The following SMARCA2 variants were observed in gnomAD, a reference collection of about 807,000 sequenced individuals.
The protein encoded by SMARCA2 is SWI/SNF related BAF chromatin remodeling complex subunit ATPase 2.
A neutral mutation model predicts 199.8 loss-of-function variants in SMARCA2; 61 were observed. That is an observed-to-expected ratio of 0.31 (90% confidence interval 0.25 to 0.38). The LOEUF (loss-of-function observed/expected upper bound fraction) is 0.38. SMARCA2 is among the 10% of genes least tolerant of loss of function. The pLI, the probability that SMARCA2 is intolerant of heterozygous loss-of-function variation, is 1.00. For synonymous variants in SMARCA2, 935 were observed against 732.0 expected, an observed-to-expected ratio of 1.28 and a Z score of -4.48; for missense variants, 1,344 against 2,012.2, an observed-to-expected ratio of 0.67 and a Z score of 6.35.
intron 6 of SMARCA2, 43 bp downstream of exon 6, chr9:2,054,766 T>C (rs1586653682): frequency 6.2e-7 from 1 of 1,604,046 alleles, no homozygotes; most frequent in South Asian, 1.1e-5. Flanking sequence ...AGGAAATAAA[T>C]GTAATTGTTC....
intron 2 of SMARCA2, among the ~76,000 whole-genome samples, chr9:2,030,988 C>G (rs960878110): frequency 6.6e-6 from 1 of 152,106 alleles, no homozygotes; most frequent in Admixed American, 6.5e-5. Context: ...ATAATCTTAC[C>G]TTCACCCCAA....
intron 23 of SMARCA2, among the ~76,000 whole-genome samples, chr9:2,106,011 T>C (rs1024794955): frequency 1.3e-5 from 2 of 152,242 alleles, no homozygotes; most frequent in Non-Finnish European, 2.9e-5. Flanking sequence ...TTGGCTGCTG[T>C]CCTTTTGTTA....
At chr9:2,105,600 G>A (rs1013060811) in intron 23 of SMARCA2, among the ~76,000 whole-genome samples, 8 of 152,076 alleles carry the variant, frequency 5.3e-5, no homozygotes, top group African/African-American at 1.7e-4. Flanking sequence ...GAATGGTTAC[G>A]TAAATGTCAA....
chr9:2,185,926 C>G (rs992888108), intron 31 of SMARCA2, among the ~76,000 whole-genome samples, 170 bp from the exon 32 acceptor site: 6 of 152,078 alleles, frequency 3.9e-5, no homozygotes, highest in Non-Finnish European at 5.9e-5. Context: ...ATGTGTATGT[C>G]TGTATTTGGG....
intron 29 of SMARCA2, among the ~76,000 whole-genome samples, chr9:2,175,666 T>C (rs1172456525): frequency 6.6e-6 from 1 of 152,226 alleles, no homozygotes; most frequent in East Asian, 1.9e-4. Context: ...TTAAAGTGTT[T>C]GTTGGGACCT....
intron 27 of SMARCA2, chr9:2,160,401 C>T (rs933669063): frequency 1.1e-4 from 59 of 539,674 alleles, no homozygotes; most frequent in Middle Eastern, 4.9e-4. Context: ...TTGGAGGATG[C>T]GTAGAAAACA....
chr9:2,061,896 T>C (rs572733880), intron 9 of SMARCA2, among the ~76,000 whole-genome samples: 1 of 152,372 alleles, frequency 6.6e-6, no homozygotes, highest in South Asian at 2.1e-4. Context: ...AGAAGGCACC[T>C]TCTTGCACTG....
At chr9:2,067,893 A>G (rs982011649) in intron 9 of SMARCA2, among the ~76,000 whole-genome samples, 1 of 152,264 alleles carries the variant, frequency 6.6e-6, no homozygotes, top group Non-Finnish European at 1.5e-5. Flanking sequence ...ATAGGAAAGT[A>G]TCCTTCAGAA....
Position 2,115,574 on chromosome 9 carries a change from G to A in SMARCA2, c.3457-248G>A, listed in dbSNP as rs1273804360. ...ACCTAGAGACAGATAAAAACAATAT[G>A]ATACCTGGATTTCAAAACCTGAGAT... On this transcript the variant is annotated intron_variant, in intron 24 of 33. Transcript: ENST00000349721. The surrounding 1 kb of genome is among the most constrained non-coding windows in gnomAD (Gnocchi z 6.0). Among the ~76,000 whole-genome samples, 1 of 152,164 alleles carries A rather than the reference G, an allele frequency of 6.6e-6. No homozygotes were observed. The highest frequency in any genetic ancestry group is 1.5e-5 in the Non-Finnish European group (1 of 68,014).
In SMARCA2 at chr9:2,086,755, C is replaced by T. The variant is rs1821818937; in HGVS notation, c.2527-74C>T. ...AGGATGGGTTCTTTGGTTTTCCGCA[C>T]CACCACTTGCTTGTTGGAAATAGTT... On this transcript the variant is annotated intron_variant, in intron 17 of 33. Coordinates refer to ENST00000349721, the MANE Select transcript of SMARCA2 (RefSeq NM_003070.5). This position sits in a 1 kb window ranked among gnomAD's most constrained non-coding sequence, Gnocchi z 4.3. The T allele has an allele frequency of 1.3e-6, 2 of 1,559,944 alleles. No individual in the cohort carries two copies. Among genetic ancestry groups the T allele is most frequent in the Non-Finnish European group, 1.7e-6 (2 of 1,143,332 alleles).
At chr9:2,094,754 T>C (rs916571074) in intron 19 of SMARCA2, among the ~76,000 whole-genome samples, 1 of 152,244 alleles carries the variant, frequency 6.6e-6, no homozygotes, top group African/African-American at 2.4e-5. Context: ...ACAGCTCTTT[T>C]GTGTGTTAAA....
In SMARCA2 at chr9:2,088,532, C is replaced by T; in HGVS notation, c.2802C>T (p.Ile934=). 6.3e-7 allele frequency: 1 copy of T among 1,589,518 alleles called. No individual in the cohort carries two copies. The highest frequency in any genetic ancestry group is 8.5e-7 in the Non-Finnish European group (1 of 1,174,306). Residue 934 remains isoleucine (I), a synonymous_variant, in exon 19 of 34, where the codon ATC becomes ATT. Transcript: ENST00000349721. ...TAAATGAAGAAGAAACTATATTGAT[C>T]ATCAGGCGTCTACATAAGGTGTTAA... ...VDLNEEETIL[I]IRRLHKVLRP...
intron 1 of SMARCA2, among the ~76,000 whole-genome samples, chr9:2,025,084 C>T (rs1818769072): frequency 7.9e-6 from 1 of 126,610 alleles, no homozygotes; most frequent in Non-Finnish European, 1.6e-5. Flanking sequence ...CAGCTAAGGG[C>T]AGAGGAGATT....
intron 27 of SMARCA2, among the ~76,000 whole-genome samples, chr9:2,138,194 A>C (rs957099663): frequency 2.7e-5 from 4 of 150,608 alleles, no homozygotes; most frequent in Admixed American, 6.6e-5. Context: ...CAAAAAAAAA[A>C]CAGATAAATA....
chr9:2,185,072 CA>C (rs1827339984), intron 31 of SMARCA2, among the ~76,000 whole-genome samples: 1 of 152,098 alleles, frequency 6.6e-6, no homozygotes, highest in African/African-American at 2.4e-5. Context: ...CATAATTTTT[CA>C]GTATACAGTT....
chr9:2,164,595 T>A (rs1262873886), intron 28 of SMARCA2, among the ~76,000 whole-genome samples: 1 of 152,226 alleles, frequency 6.6e-6, no homozygotes, highest in Non-Finnish European at 1.5e-5. Flanking sequence ...GGTAGGTGAA[T>A]GGACCTCTGA....
chr9:2,125,867 A>G (rs1823668328), intron 27 of SMARCA2, among the ~76,000 whole-genome samples: 1 of 152,254 alleles, frequency 6.6e-6, no homozygotes, highest in Non-Finnish European at 1.5e-5. Flanking sequence ...TTTATTGGGC[A>G]AGAATGTAGC....
intron 18 of SMARCA2, 180 bp downstream of exon 18, chr9:2,087,251 A>G: frequency 2.9e-6 from 2 of 682,450 alleles, no homozygotes. Context: ...CCTCCTAGGA[A>G]AATGGATCTA....
rs1825690340 is a variant in SMARCA2, at chr9:2,161,774, C to A, written c.4070C>A (p.Ala1357Glu). The A allele has an allele frequency of 1.2e-6, 2 of 1,613,892 alleles. No individual in the cohort carries two copies. Among genetic ancestry groups the A allele is most frequent in the Non-Finnish European group, 1.7e-6 (2 of 1,179,890 alleles). Residue 1357 changes from alanine to glutamate, a missense_variant, in exon 28 of 34, where the codon GCA (alanine) becomes GAA (glutamate). Physicochemically the swap from Ala to Glu is moderately radical, Grantham distance 107. Around this residue, in one of 18 missense-constraint regions of SMARCA2, gnomAD observed 151 missense variants for 154.0 expected, o/e 0.98. Coordinates refer to ENST00000349721, the MANE Select transcript of SMARCA2 (RefSeq NM_003070.5). The surrounding 1 kb of genome is among the most constrained non-coding windows in gnomAD (Gnocchi z 4.7). ...CGAAGAAATGTGGATAAAGATCCTG[C>A]AAAAGAAGATGTGGAAAAAGCTAAG... Reference protein sequence around the residue: ...KRRRNVDKDPAKEDVEKAKKR... With the variant: ...KRRRNVDKDPEKEDVEKAKKR...
Sources: gnomAD v4.1 joint callset for allele counts (sites outside exome capture counted in the v4.1 genomes callset) on GRCh38, gnomAD v4.1.1 for gene constraint, gnomAD v4.1.1 regional missense constraint, Gnocchi (gnomAD v3.1) non-coding constraint, MANE v1.5 for transcripts, NCBI Gene and HGNC (gene_info 2026-07-23, HGNC 2026-07-21) for gene names.